RORA: variants seen among roughly 807,000 people sequenced by gnomAD.
RORA encodes RAR related orphan receptor A, also known as nuclear receptor ROR-alpha.
Under a neutral mutation model 69.5 loss-of-function variants are expected in RORA, and 7 were observed. That is an observed-to-expected ratio of 0.10 (90% confidence interval 0.06 to 0.19). The LOEUF is 0.19. Among genes scored for constraint, RORA ranks in the 10% least tolerant of loss-of-function variants. The pLI is 1.00. For synonymous variants in RORA, 261 were observed against 240.8 expected (o/e 1.08, Z -0.78); for missense variants, 457 against 663.0 (o/e 0.69, Z 3.41).
At chr15:61,165,788 G>A (rs1232136000) in intron 1 of RORA, among the ~76,000 whole-genome samples, 1 of 152,166 alleles carries the variant, frequency 6.6e-6, no homozygotes, top group East Asian at 1.9e-4. Flanking sequence ...AGGGCATGTG[G>A]AAATCTCAAA....
rs1325331389 is a variant in RORA, at chr15:61,226,075, C to T, written c.166+2978G>A. 1.3e-5 allele frequency among the ~76,000 whole-genome samples: 2 copies of T among 152,180 alleles called. No individual in the cohort carries two copies. The highest frequency in any genetic ancestry group is 4.8e-5 in the African/African-American group (2 of 41,436). ...GCTCAGGCAATAAAGGTACACAGTG[C>T]ATCCACACTTGGATTCCCAAGAGGG... On this transcript the variant is annotated intron_variant, in intron 1 of 10. Coordinates refer to ENST00000335670, the MANE Select transcript of RORA (RefSeq NM_134261.3). The surrounding 1 kb of genome is among the most constrained non-coding windows in gnomAD (Gnocchi z 4.2).
At chr15:61,090,176 G>A (rs577807526) in intron 1 of RORA, among the ~76,000 whole-genome samples, 1 of 152,282 alleles carries the variant, frequency 6.6e-6, no homozygotes, top group East Asian at 1.9e-4. Context: ...AGGAACCCTG[G>A]TCTGGGTTCT....
intron 1 of RORA, among the ~76,000 whole-genome samples, chr15:61,085,054 G>A (rs1223214921): frequency 6.6e-6 from 1 of 151,672 alleles, no homozygotes; most frequent in Non-Finnish European, 1.5e-5. Context: ...CCCCCTTGTT[G>A]CTAAGCTCAG....
intron 4 of RORA, 132 bp downstream of exon 4, chr15:60,514,484 T>G: frequency 5.0e-6 from 4 of 799,630 alleles, no homozygotes; most frequent in Non-Finnish European, 4.0e-6. Flanking sequence ...CAGAGGAGCA[T>G]GGGGGGCGGG....
chr15:60,788,352 G>A (rs959761778), intron 1 of RORA, among the ~76,000 whole-genome samples: 1 of 152,186 alleles, frequency 6.6e-6, no homozygotes, highest in Non-Finnish European at 1.5e-5. Flanking sequence ...TGGCTGGTGG[G>A]GTGGGGAATG....
rs1462389532 is a variant in RORA, at chr15:60,495,771, C to T, written c.*1684G>A. 6.6e-6 allele frequency: 1 copy of T among 151,998 alleles called. No homozygotes were observed. The highest frequency in any genetic ancestry group is 2.4e-5 in the African/African-American group (1 of 41,392). The allele number at this position is 151,998 out of a possible 1,614,324, so 9.4% of individuals were successfully genotyped here. A position where few individuals can be genotyped will look rare whatever the true frequency, so the allele number is the denominator to read the frequency against. On this transcript the variant is annotated 3_prime_UTR_variant, in exon 11 of 11. Coordinates refer to ENST00000335670, the MANE Select transcript of RORA (RefSeq NM_134261.3). Reference sequence around the variant, plus strand: ...TGCGACTAAAATCATCGTCTAAATGCCTACATTCCCAAAAGGTCACTTGTT... The same window carrying T: ...TGCGACTAAAATCATCGTCTAAATGTCTACATTCCCAAAAGGTCACTTGTT...
intron 1 of RORA, among the ~76,000 whole-genome samples, chr15:60,756,014 C>T (rs9920593): frequency 0.21 from 31,179 of 152,078 alleles, 3,744 homozygotes; most frequent in African/African-American, 0.34. Context: ...AATCCTTGCC[C>T]TTGTGGGGCT....
chr15:60,752,268 A>G (rs1334775694), intron 1 of RORA, among the ~76,000 whole-genome samples: 1 of 152,046 alleles, frequency 6.6e-6, no homozygotes, highest in Admixed American at 6.5e-5. Flanking sequence ...GACTTTCCCC[A>G]TTTCCTTCCC....
intron 1 of RORA, among the ~76,000 whole-genome samples, chr15:61,102,219 C>T (rs1168100110): frequency 6.6e-6 from 1 of 152,160 alleles, no homozygotes; most frequent in Non-Finnish European, 1.5e-5. Flanking sequence ...GGTGCAGACA[C>T]CCACTCTTGG....
In RORA at chr15:60,706,513, G is replaced by T. The variant is rs149418321; in HGVS notation, c.167-27827C>A. On this transcript the variant is annotated intron_variant, in intron 1 of 10. Coordinates refer to ENST00000335670, the MANE Select transcript of RORA (RefSeq NM_134261.3). The stretch of plus-strand genomic sequence containing the variant: ...TAATCTGTTTTGGTAGCTTCTATCT[G>T]TTGAAGCAATAGGAGATACACTACA... Among the ~76,000 whole-genome samples the T allele has an allele frequency of 1.2e-4, 19 of 152,312 alleles. No individual in the cohort carries two copies. The East Asian group carries it at 3.7e-3, about 29-fold the overall frequency.
chr15:61,079,187 G>A (rs2078500099), intron 1 of RORA, among the ~76,000 whole-genome samples: 1 of 151,928 alleles, frequency 6.6e-6, no homozygotes, highest in African/African-American at 2.4e-5. Flanking sequence ...CCATCCTCTT[G>A]CATATCTTAT....
chr15:60,891,312 G>T (rs2073810670), intron 1 of RORA, among the ~76,000 whole-genome samples: 1 of 152,246 alleles, frequency 6.6e-6, no homozygotes, highest in African/African-American at 2.4e-5. Flanking sequence ...TGCACATTGT[G>T]TGTGTGCATG....
intron 1 of RORA, among the ~76,000 whole-genome samples, chr15:60,898,410 C>A (rs1407740547): frequency 6.6e-6 from 1 of 151,890 alleles, no homozygotes; most frequent in African/African-American, 2.4e-5. Flanking sequence ...GCCCCGGTGG[C>A]TCACAAATGC....
At chr15:60,802,253 G>A (rs181635271) in intron 1 of RORA, among the ~76,000 whole-genome samples, 140 of 152,316 alleles carry the variant, frequency 9.2e-4, no homozygotes, top group Middle Eastern at 3.4e-3. Flanking sequence ...CCTCATCTGC[G>A]TATGTGAATA....
chr15:60,660,744 A>G (rs936439140), intron 2 of RORA, among the ~76,000 whole-genome samples: 3 of 112,514 alleles, frequency 2.7e-5, no homozygotes, highest in Non-Finnish European at 6.1e-5. Flanking sequence ...TTTGTAACAC[A>G]CACTGAAAGA....
chr15:61,123,647 T>A (rs2079120905), intron 1 of RORA, among the ~76,000 whole-genome samples: 1 of 152,162 alleles, frequency 6.6e-6, no homozygotes, highest in South Asian at 2.1e-4. Context: ...GATTCTAATA[T>A]AATTGGTCTG....
At chr15:60,587,709 T>G (rs2068376454) in intron 2 of RORA, among the ~76,000 whole-genome samples, 1 of 152,162 alleles carries the variant, frequency 6.6e-6, no homozygotes, top group Non-Finnish European at 1.5e-5. Flanking sequence ...AAAAATGAAA[T>G]AACTGGAAAA....
In RORA at chr15:60,683,675, C is replaced by CACACAT. The variant is rs1555445514; in HGVS notation, c.167-4990_167-4989insATGTGT. 1.5e-4 allele frequency among the ~76,000 whole-genome samples: 22 copies of CACACAT among 151,664 alleles called. No individual in the cohort carries two copies. The East Asian group carries it at 3.1e-3, about 21-fold the overall frequency. ...ACACACACACACACACACACACACA[C>CACACAT]GGCAGGTGTATTTCCAGATTTCCAG... On this transcript the variant is annotated intron_variant, in intron 1 of 10. Transcript: ENST00000335670.
In RORA at chr15:60,597,597, C is replaced by CATATATATATATATATATATACATAT. The variant is rs1567115498; in HGVS notation, c.197-65747_197-65746insATATGTATATATATATATATATATAT. ...ATACACATATATATATATATATACA[C>CATATATATATATATATATATACATAT]ATATATATATATATATATATACATA... On this transcript the variant is annotated intron_variant, in intron 2 of 10. Transcript: ENST00000335670. Among the ~76,000 whole-genome samples the CATATATATATATATATATATACATAT allele has an allele frequency of 1.1e-3, 35 of 31,284 alleles. 1 individual carries two copies. The highest frequency in any genetic ancestry group is 1.8e-3 in the Non-Finnish European group (31 of 17,456). The allele number at this position is 31,284 out of a possible 152,430, so 20.5% of individuals were successfully genotyped here.
Sources: allele counts gnomAD v4.1 joint callset (sites outside exome capture counted in the v4.1 genomes callset), GRCh38; gene constraint gnomAD v4.1.1; non-coding constraint Gnocchi (gnomAD v3.1); transcripts MANE v1.5; gene names NCBI Gene and HGNC (gene_info 2026-07-23, HGNC 2026-07-21).